ABCA13: variants seen among roughly 807,000 people sequenced by gnomAD.
The protein encoded by ABCA13 is ATP-binding cassette sub-family A member 13.
Under a neutral mutation model 478.7 loss-of-function variants are expected in ABCA13, and 476 were observed. The observed-to-expected ratio is 0.99, with a 90% confidence interval of 0.92 to 1.07. The LOEUF is 1.07. Among genes scored for constraint, ABCA13 ranks in the 50% least tolerant of loss-of-function variants. The pLI is 0.00. For missense variants in ABCA13, 6,060 were observed against 5,910.6 expected (o/e 1.03, Z -0.83); for synonymous variants, 2,252 against 2,158.9 (o/e 1.04, Z -1.20).
chr7:48,248,217 A>G, intron 13 of ABCA13, 22 bp from the exon 14 acceptor site: 3 of 1,595,446 alleles, frequency 1.9e-6, no homozygotes, highest in Non-Finnish European at 2.6e-6. Flanking sequence ...TATTATAAGC[A>G]ATATCTTCTT....
intron 29 of ABCA13, among the ~76,000 whole-genome samples, chr7:48,345,122 C>A (rs1279388083): frequency 6.6e-6 from 1 of 152,210 alleles, no homozygotes; most frequent in Non-Finnish European, 1.5e-5. Context: ...CATTGTAGAA[C>A]AACACATTAC....
At chr7:48,174,378 C>G (rs1048872823) in intron 1 of ABCA13, among the ~76,000 whole-genome samples, 1 of 151,668 alleles carries the variant, frequency 6.6e-6, no homozygotes, top group Non-Finnish European at 1.5e-5. Flanking sequence ...TTGTATCATT[C>G]ATAAAGAGCA....
chr7:48,567,703 A>G (rs558656832), intron 55 of ABCA13, among the ~76,000 whole-genome samples: 1 of 151,990 alleles, frequency 6.6e-6, no homozygotes, highest in Admixed American at 6.6e-5. Flanking sequence ...CCTTTGGCAG[A>G]CCCCCAAGAA....
At chr7:48,345,354 GA>G (rs1807909515) in intron 29 of ABCA13, among the ~76,000 whole-genome samples, 1 of 152,170 alleles carries the variant, frequency 6.6e-6, no homozygotes, top group Non-Finnish European at 1.5e-5. Context: ...GAGGTATCCA[GA>G]AAAATCCATT....
At chr7:48,363,402 A>G (rs952567375) in intron 31 of ABCA13, among the ~76,000 whole-genome samples, 5 of 152,178 alleles carry the variant, frequency 3.3e-5, no homozygotes. Flanking sequence ...AATAAATTTT[A>G]TAAGAGTATG....
chr7:48,312,087 A>T (rs6979737), intron 24 of ABCA13, among the ~76,000 whole-genome samples: 61,185 of 152,014 alleles, frequency 0.4, 12,659 homozygotes, highest in East Asian at 0.61. Flanking sequence ...AATGGACAGA[A>T]TTCTGTCATT....
At chr7:48,261,501 T>C (rs1794177119) in intron 15 of ABCA13, among the ~76,000 whole-genome samples, 1 of 151,880 alleles carries the variant, frequency 6.6e-6, no homozygotes, top group Admixed American at 6.6e-5. Flanking sequence ...CTGTTAGCCA[T>C]CAGTTGAACC....
chr7:48,279,372 A>G lies in ABCA13; in HGVS notation c.8178A>G (p.Gln2726=). The change falls in exon 18 of 62, where the codon CAA becomes CAG. Residue 2726 remains glutamine (Q), a synonymous_variant. Transcript: ENST00000435803. ...CTTTTTTGGATAAAATATTATCACA[A>G]AACAGCACAGAAATAGGATCTTTCT... ...VIPFLDKILS[Q]NSTEIGSFLK... The G allele has an allele frequency of 6.3e-7, 1 of 1,593,710 alleles. No homozygotes were observed. The highest frequency in any genetic ancestry group is 8.6e-7 in the Non-Finnish European group (1 of 1,168,186).
intron 42 of ABCA13, among the ~76,000 whole-genome samples, chr7:48,438,480 A>G (rs575537360): frequency 1.1e-4 from 16 of 151,738 alleles, no homozygotes; most frequent in African/African-American, 3.1e-4. Flanking sequence ...TATCCTCTTA[A>G]TCTTTTTAGG....
rs373345416 is a variant in ABCA13 at position 48,340,710 on chromosome 7, C to T, written c.10204+2255C>T. On this transcript the variant is annotated intron_variant, in intron 29 of 61. Coordinates refer to ENST00000435803, the MANE Select transcript of ABCA13 (RefSeq NM_152701.5). ...AATGCAGATGTCTTAGAGTGTGAATCGTACCTGAGCCACGTTTGTTCAACA... is the reference window on the plus strand; with the variant it reads ...AATGCAGATGTCTTAGAGTGTGAATTGTACCTGAGCCACGTTTGTTCAACA... Among the ~76,000 whole-genome samples the T allele has an allele frequency of 2.2e-4, 33 of 152,280 alleles. No homozygotes were observed. In the East Asian group the frequency reaches 3.9e-3, roughly 18 times the overall value.
chr7:48,312,307 G>C (rs1801895091), intron 24 of ABCA13, among the ~76,000 whole-genome samples: 2 of 152,278 alleles, frequency 1.3e-5, no homozygotes, highest in Non-Finnish European at 2.9e-5. Flanking sequence ...GCGAAGAGCT[G>C]GCATTTCCTC....
In ABCA13 at chr7:48,372,214, G is replaced by A; in HGVS notation, c.10850G>A (p.Trp3617Ter). 1 of 1,613,816 alleles carries A rather than the reference G, an allele frequency of 6.2e-7. No homozygotes were observed. ...CATCCAGTGATCCATTTCCTGGCCT[G>A]GTTCCTGGAGAACATGGCTGTGTTG... ...GVHPVIHFLAWFLENMAVLTI... is the reference protein window; with the variant it reads ...GVHPVIHFLA The change falls in exon 33 of 62, where the codon TGG (tryptophan) becomes TAG (stop). Residue 3617 changes from tryptophan to a stop codon, truncating the protein, a stop_gained. Transcript: ENST00000435803. LOFTEE classifies it high-confidence loss of function.
chr7:48,279,157 C>G lies in ABCA13; in HGVS notation c.7963C>G (p.Leu2655Val). 6.2e-7 allele frequency: 1 copy of G among 1,604,032 alleles called. No homozygotes were observed. Among genetic ancestry groups the G allele is most frequent in the Non-Finnish European group, 8.5e-7 (1 of 1,175,502 alleles). Residue 2655 changes from leucine to valine, a missense_variant, in exon 18 of 62, where the codon CTT (leucine) becomes GTT (valine). Around this residue, in one of 3 missense-constraint regions of ABCA13, gnomAD observed 4,423 missense variants for 4,309.1 expected, o/e 1.03. Transcript: ENST00000435803. ...VKMNLEDMRS[L>V]AVAFNNETQT... The stretch of plus-strand genomic sequence containing the variant: ...AATGAACTTGGAAGATATGAGGAGT[C>G]TTGCGGTAGCATTTAACAATGAGAC...
chr7:48,278,822 A>G lies in ABCA13; in HGVS notation c.7628A>G (p.His2543Arg), dbSNP rs191015288. 1.2e-3 allele frequency: 1,952 copies of G among 1,613,844 alleles called. 2 individuals carry two copies. The highest frequency in any genetic ancestry group is 1.5e-3 in the Non-Finnish European group (1,722 of 1,179,884). ...SGKMSTVFKT[H>R]FISNTKDSVK... ...AAGATGTCCACAGTTTTTAAAACTCATTTTATCTCCAATACCAAGGACAGT... is the reference window on the plus strand; with the variant it reads ...AAGATGTCCACAGTTTTTAAAACTCGTTTTATCTCCAATACCAAGGACAGT... Residue 2543 changes from histidine (H) to arginine (R), a missense_variant, in exon 18 of 62, where the codon CAT becomes CGT. By Grantham distance (29) the His-to-Arg change is conservative (BLOSUM62 0). This residue lies in a region of ABCA13 where 4,423 missense variants were observed against 4,309.1 expected (regional missense o/e 1.03). Transcript: ENST00000435803.
intron 3 of ABCA13, among the ~76,000 whole-genome samples, chr7:48,207,995 G>A (rs906044958): frequency 6.6e-6 from 1 of 151,898 alleles, no homozygotes; most frequent in African/African-American, 2.4e-5. Flanking sequence ...AGAGATAGGG[G>A]TTTAGTTTCA....
At chr7:48,420,752 T>C (rs1820633907) in intron 41 of ABCA13, among the ~76,000 whole-genome samples, 1 of 151,910 alleles carries the variant, frequency 6.6e-6, no homozygotes, top group Non-Finnish European at 1.5e-5. Flanking sequence ...TTTTTGACTT[T>C]TTTTTAGAAC....
At chr7:48,510,145 G>C (rs540033589) in intron 50 of ABCA13, among the ~76,000 whole-genome samples, 1 of 150,400 alleles carries the variant, frequency 6.6e-6, no homozygotes, top group East Asian at 2.0e-4. Flanking sequence ...AGAAAAACTA[G>C]TAAACAAACA....
intron 50 of ABCA13, 37 bp downstream of exon 50, chr7:48,508,086 A>G (rs1354155751): frequency 3.1e-6 from 5 of 1,613,020 alleles, no homozygotes; most frequent in African/African-American, 1.3e-5. Context: ...TGCCTCCACA[A>G]TAGTGATCTA....
At chr7:48,405,615 C>A (rs1481043745) in intron 39 of ABCA13, among the ~76,000 whole-genome samples, 5 of 152,338 alleles carry the variant, frequency 3.3e-5, no homozygotes, top group African/African-American at 1.2e-4. Flanking sequence ...ATAACATTGT[C>A]TCTGCACCTG....
Sources: allele counts gnomAD v4.1 joint callset (sites outside exome capture counted in the v4.1 genomes callset), GRCh38; gene constraint gnomAD v4.1.1; regional missense constraint gnomAD v4.1.1; transcripts MANE v1.5; gene names NCBI Gene and HGNC (gene_info 2026-07-23, HGNC 2026-07-21).